Variants in NEMP2 observed in about 807,000 individuals in gnomAD.
NEMP2 encodes nuclear envelope integral membrane protein 2.
NEMP2 carries 53 observed loss-of-function variants against 54.2 expected under a neutral mutation model. The observed-to-expected ratio is 0.98, with a 90% confidence interval of 0.78 to 1.23. The LOEUF is 1.23. Among genes scored for constraint, NEMP2 ranks in the 50% most tolerant of loss-of-function variants. The probability of loss-of-function intolerance (pLI) is 0.00; values close to 1 mark genes in which losing one functional copy is unlikely to be tolerated. For synonymous variants in NEMP2, 197 were observed against 190.3 expected (o/e 1.04, Z -0.29); for missense variants, 455 against 511.3 (o/e 0.89, Z 1.06).
chr2:190,534,397 G>A (rs1691283002), intron 1 of NEMP2, 162 bp downstream of exon 1: 2 of 1,211,448 alleles, frequency 1.7e-6, no homozygotes, highest in African/African-American at 3.2e-5. Flanking sequence ...AGACAGGAAG[G>A]GCGGGCGGGG....
chr2:190,553,354 G>T, the NEMP2 span: 1 of 152,172 alleles, frequency 6.6e-6, no homozygotes, highest in African/African-American at 2.4e-5. Context: ...TCCACCAAGG[G>T]CTCAGCTTTG....
the NEMP2 span, among the ~76,000 whole-genome samples, chr2:190,484,821 T>C: frequency 1.3e-5 from 2 of 152,208 alleles, no homozygotes; most frequent in Non-Finnish European, 2.9e-5. Flanking sequence ...AAATAAGTTA[T>C]TTTAGGGAAA....
At chr2:190,537,700 A>G (rs1480843751), upstream of NEMP2, among the ~76,000 whole-genome samples, 2 of 152,190 alleles carry the variant, frequency 1.3e-5, no homozygotes, top group South Asian at 2.1e-4. Context: ...AAGTTTGGAA[A>G]ATTTGCAGCC....
chr2:190,506,119 G>A lies in NEMP2; in HGVS notation c.*3070C>T, dbSNP rs1393286709. The A allele has an allele frequency of 6.6e-6, 1 of 152,158 alleles. No homozygotes were observed. The highest frequency in any genetic ancestry group is 1.5e-5 in the Non-Finnish European group (1 of 68,030). The allele number at this position is 152,158 out of a possible 1,614,324, so 9.4% of individuals were successfully genotyped here. On this transcript the variant is annotated 3_prime_UTR_variant, in exon 9 of 9. Transcript: ENST00000409150. This position sits in a 1 kb window ranked among gnomAD's most constrained non-coding sequence, Gnocchi z 6.3. ...ACTACCTGTACCAACTATATGAATT[G>A]ACTAACAAGAGACAGGTCTTATGGT...
chr2:190,429,718 G>T, the NEMP2 span, among the ~76,000 whole-genome samples: 2 of 151,858 alleles, frequency 1.3e-5, no homozygotes, highest in Non-Finnish European at 2.9e-5. Context: ...AAATCTTTAA[G>T]ATATTTTTCT....
At chr2:190,474,302 A>C in the NEMP2 span, among the ~76,000 whole-genome samples, 12 of 152,188 alleles carry the variant, frequency 7.9e-5, no homozygotes, top group Non-Finnish European at 1.6e-4. Context: ...AGATCAACAA[A>C]ATTGATAGAC....
chr2:190,642,509 T>C, the NEMP2 span, among the ~76,000 whole-genome samples: 1 of 152,160 alleles, frequency 6.6e-6, no homozygotes, highest in African/African-American at 2.4e-5. This position sits in a 1 kb window ranked among gnomAD's most constrained non-coding sequence, Gnocchi z 4.1. Context: ...TTATTATATA[T>C]TCCTATTAAC....
chr2:190,441,331 A>G, the NEMP2 span, among the ~76,000 whole-genome samples: 1 of 152,082 alleles, frequency 6.6e-6, no homozygotes, highest in Non-Finnish European at 1.5e-5. Flanking sequence ...GGTTGCACCC[A>G]GACCAATTAC....
the NEMP2 span, among the ~76,000 whole-genome samples, chr2:190,429,853 T>A: frequency 6.6e-6 from 1 of 152,198 alleles, no homozygotes; most frequent in South Asian, 2.1e-4. Context: ...GTTCTTTTTT[T>A]TTCTTTATTA....
At chr2:190,598,463 A>G in the NEMP2 span, among the ~76,000 whole-genome samples, 1 of 152,218 alleles carries the variant, frequency 6.6e-6, no homozygotes, top group African/African-American at 2.4e-5. Context: ...ACACTTCTTA[A>G]TGGATATAAG....
chr2:190,497,299 T>C, the NEMP2 span: 4 of 923,628 alleles, frequency 4.3e-6, no homozygotes, highest in Non-Finnish European at 6.4e-6. This position sits in a 1 kb window ranked among gnomAD's most constrained non-coding sequence, Gnocchi z 5.2. Context: ...AATGAAGTCA[T>C]TGGTAACCAG....
the NEMP2 span, among the ~76,000 whole-genome samples, chr2:190,590,900 C>A: frequency 6.6e-6 from 1 of 152,114 alleles, no homozygotes; most frequent in East Asian, 1.9e-4. The surrounding 1 kb of genome is among the most constrained non-coding windows in gnomAD (Gnocchi z 5.1). Context: ...AATATCAGAT[C>A]TTCATAGTTC....
the NEMP2 span, among the ~76,000 whole-genome samples, chr2:190,636,774 G>A: frequency 6.6e-6 from 1 of 152,194 alleles, no homozygotes; most frequent in African/African-American, 2.4e-5. Context: ...GTACTTATAA[G>A]TCATTAGCAC....
the NEMP2 span, among the ~76,000 whole-genome samples, chr2:190,493,884 A>ATGACCTTTGATG: frequency 6.6e-6 from 1 of 152,170 alleles, no homozygotes; most frequent in Non-Finnish European, 1.5e-5. Context: ...GGGAAAGGTC[A>ATGACCTTTGATG]TAGCCTAAAT....
the NEMP2 span, among the ~76,000 whole-genome samples, chr2:190,602,112 G>A: frequency 6.6e-6 from 1 of 152,170 alleles, no homozygotes; most frequent in Non-Finnish European, 1.5e-5. Flanking sequence ...GAACCAGTAG[G>A]AGACAGTGAG....
chr2:190,468,690 C>T, the NEMP2 span, among the ~76,000 whole-genome samples: 2 of 149,646 alleles, frequency 1.3e-5, no homozygotes, highest in South Asian at 2.1e-4. Context: ...AACTCTTGGG[C>T]GCAAGTGATC....
At chr2:190,442,516 C>G in the NEMP2 span, 1 of 151,948 alleles carries the variant, frequency 6.6e-6, no homozygotes, top group African/African-American at 2.4e-5. Flanking sequence ...AAGCCAGGAG[C>G]CCACTGAGAA....
At chr2:190,598,800 C>T in the NEMP2 span, among the ~76,000 whole-genome samples, 1 of 152,196 alleles carries the variant, frequency 6.6e-6, no homozygotes, top group African/African-American at 2.4e-5. Context: ...GCATATAATA[C>T]TAACCTTGCC....
At chr2:190,468,704 C>T in the NEMP2 span, among the ~76,000 whole-genome samples, 1 of 151,246 alleles carries the variant, frequency 6.6e-6, no homozygotes, top group Non-Finnish European at 1.5e-5. Context: ...AGTGATCCTC[C>T]TGCCTCAGCC....
Sources: gnomAD v4.1 joint callset for allele counts (sites outside exome capture counted in the v4.1 genomes callset) on GRCh38, gnomAD v4.1.1 for gene constraint, Gnocchi (gnomAD v3.1) non-coding constraint, MANE v1.5 for transcripts, NCBI Gene and HGNC (gene_info 2026-07-23, HGNC 2026-07-21) for gene names.